Variants in SOX5 observed in about 807,000 individuals in gnomAD.
SOX5 encodes the protein transcription factor SOX-5.
A neutral mutation model predicts 92.0 loss-of-function variants in SOX5; 9 were observed. That is an observed-to-expected ratio of 0.10 (90% CI 0.06 to 0.17). SOX5 has a LOEUF of 0.17. Ranked by LOEUF, SOX5 falls within the 10% of genes least tolerant of loss-of-function variation. The pLI is 1.00. For missense variants in SOX5, 642 were observed against 944.5 expected (o/e 0.68, Z 4.20); for synonymous variants, 344 against 336.3 (o/e 1.02, Z -0.25).
chr12:24,509,007 C>T (rs1478791459), intron 1 of SOX5, among the ~76,000 whole-genome samples: 1 of 152,110 alleles, frequency 6.6e-6, no homozygotes, highest in African/African-American at 2.4e-5. Flanking sequence ...AATTGAGGCA[C>T]CTGATGATCT....
At chr12:24,099,351 A>T (rs752192377) in intron 4 of SOX5, among the ~76,000 whole-genome samples, 16 of 152,138 alleles carry the variant, frequency 1.1e-4, no homozygotes, top group Non-Finnish European at 1.9e-4. Flanking sequence ...ACAGCCTGGG[A>T]AGAAACAGGA....
chr12:23,922,423 T>G (rs1439798645), intron 1 of SOX5, among the ~76,000 whole-genome samples: 1 of 152,200 alleles, frequency 6.6e-6, no homozygotes, highest in Non-Finnish European at 1.5e-5. Flanking sequence ...AATTTACAAT[T>G]AACAGTCCAC....
At chr12:24,144,987 G>A (rs1272578748) in intron 4 of SOX5, among the ~76,000 whole-genome samples, 2 of 152,070 alleles carry the variant, frequency 1.3e-5, no homozygotes, top group African/African-American at 2.4e-5. Context: ...AGCTGCTTGG[G>A]AGGTGGAGAT....
At chr12:24,222,357 A>G (rs553897974) in intron 3 of SOX5, among the ~76,000 whole-genome samples, 54 of 152,288 alleles carry the variant, frequency 3.5e-4, no homozygotes, top group African/African-American at 1.3e-3. Flanking sequence ...GTCTTGGGCC[A>G]GAGTAGCAGT....
At chr12:24,156,163 T>G (rs1368329102) in intron 4 of SOX5, among the ~76,000 whole-genome samples, 1 of 152,138 alleles carries the variant, frequency 6.6e-6, no homozygotes, top group Non-Finnish European at 1.5e-5. Flanking sequence ...TCCCGTTACC[T>G]GTAGGCTTAT....
At chr12:24,095,152 G>GAGAGAGAC (rs879260192) in intron 4 of SOX5, among the ~76,000 whole-genome samples, 48 of 137,670 alleles carry the variant, frequency 3.5e-4, no homozygotes, top group Non-Finnish European at 5.4e-4. Flanking sequence ...GAGAGAGAGA[G>GAGAGAGAC]AGAGACAGAG....
At chr12:23,602,853 T>C (rs2074686603) in intron 9 of SOX5, among the ~76,000 whole-genome samples, 2 of 152,060 alleles carry the variant, frequency 1.3e-5, no homozygotes, top group South Asian at 4.1e-4. Flanking sequence ...ATGTTAAAAT[T>C]ATTACCAGTT....
At chr12:23,698,919 C>T (rs1176761947) in intron 6 of SOX5, among the ~76,000 whole-genome samples, 6 of 152,148 alleles carry the variant, frequency 3.9e-5, no homozygotes, top group East Asian at 1.9e-4. Flanking sequence ...CTACATGTTA[C>T]GAGTTCCTCC....
intron 2 of SOX5, among the ~76,000 whole-genome samples, chr12:24,306,733 T>C (rs903557393): frequency 1.3e-5 from 2 of 152,154 alleles, no homozygotes; most frequent in Non-Finnish European, 2.9e-5. Flanking sequence ...AACATCCTTT[T>C]GGAGACAAAC....
intron 4 of SOX5, among the ~76,000 whole-genome samples, chr12:24,052,074 C>A (rs1018916728): frequency 6.6e-6 from 1 of 152,118 alleles, no homozygotes. Flanking sequence ...CCTTACTTGA[C>A]GTTCCTTCCG....
At chr12:24,194,245 G>A (rs928923768) in intron 4 of SOX5, among the ~76,000 whole-genome samples, 2 of 152,136 alleles carry the variant, frequency 1.3e-5, no homozygotes, top group Non-Finnish European at 2.9e-5. Context: ...TTTGTAAAGG[G>A]CACTGTATCA....
chr12:24,137,048 T>A (rs12371842), intron 4 of SOX5, among the ~76,000 whole-genome samples: 1 of 152,098 alleles, frequency 6.6e-6, no homozygotes, highest in South Asian at 2.1e-4. Flanking sequence ...TCTTAGAGAA[T>A]AGATCTTAAA....
At chr12:24,122,264 A>C (rs1160730313) in intron 4 of SOX5, among the ~76,000 whole-genome samples, 1 of 152,210 alleles carries the variant, frequency 6.6e-6, no homozygotes, top group Non-Finnish European at 1.5e-5. Flanking sequence ...GATCCTGAGG[A>C]CAAAGCACAA....
At chr12:23,745,923 C>A (rs2093967305) in intron 4 of SOX5, among the ~76,000 whole-genome samples, 1 of 152,074 alleles carries the variant, frequency 6.6e-6, no homozygotes, top group African/African-American at 2.4e-5. Flanking sequence ...CGGTAAATAG[C>A]ATATGTATTG....
At chr12:23,897,456 A>G (rs937799449) in intron 1 of SOX5, among the ~76,000 whole-genome samples, 1 of 152,100 alleles carries the variant, frequency 6.6e-6, no homozygotes, top group Middle Eastern at 3.2e-3. Flanking sequence ...ATCTCAACTT[A>G]CTCATCTTTA....
chr12:23,756,228 G>A (rs2094369708), intron 3 of SOX5, among the ~76,000 whole-genome samples: 3 of 146,926 alleles, frequency 2.0e-5, no homozygotes, highest in Admixed American at 2.0e-4. Flanking sequence ...TGCCAGTACT[G>A]CGAACATAAA....
At chr12:24,551,610 A>G (rs4486712) in intron 1 of SOX5, among the ~76,000 whole-genome samples, 83,587 of 151,924 alleles carry the variant, frequency 0.55, 25,696 homozygotes, top group East Asian at 0.91. Context: ...ACAAATAGAC[A>G]AGGTCCCTAT....
intron 3 of SOX5, among the ~76,000 whole-genome samples, chr12:23,843,656 C>A (rs1203367129): frequency 6.7e-6 from 1 of 150,182 alleles, no homozygotes; most frequent in Non-Finnish European, 1.5e-5. Flanking sequence ...CTCCCCCTCC[C>A]AGATTCAAGC....
At position 23,947,758 on chromosome 12, in the gene SOX5, T is replaced by C. The variant is rs114339559; in HGVS notation, c.38+1806A>G. 1.2e-3 allele frequency among the ~76,000 whole-genome samples: 175 copies of C among 150,828 alleles called. 1 individual carries two copies. Among genetic ancestry groups the C allele is most frequent in the African/African-American group, 4.1e-3 (168 of 41,080 alleles). On this transcript the variant is annotated intron_variant, in intron 1 of 14. Coordinates refer to ENST00000451604, the MANE Select transcript of SOX5 (RefSeq NM_006940.6). Reference sequence around the variant, plus strand: ...AAAAAGATGTTAACAGATTTGAGCATCAGAATAGGAAAGGGAAAAGTTTAG... The same window carrying C: ...AAAAAGATGTTAACAGATTTGAGCACCAGAATAGGAAAGGGAAAAGTTTAG...
Sources: gnomAD v4.1 joint callset for allele counts (sites outside exome capture counted in the v4.1 genomes callset) on GRCh38, gnomAD v4.1.1 for gene constraint, MANE v1.5 for transcripts, NCBI Gene and HGNC (gene_info 2026-07-23, HGNC 2026-07-21) for gene names.